The following SPSB4 variants were observed in gnomAD, a reference collection of about 807,000 sequenced individuals.
SPSB4 encodes the protein splA/ryanodine receptor domain and SOCS box containing 4, also known as SPRY domain-containing SOCS box protein 4.
A neutral mutation model predicts 20.9 loss-of-function variants in SPSB4; 21 were observed. The ratio of observed to expected loss-of-function variants is 1.01; its 90% CI spans 0.71 to 1.45. The LOEUF (loss-of-function observed/expected upper bound fraction) is 1.45. Among genes scored for constraint, SPSB4 ranks in the 40% most tolerant of loss-of-function variants. The pLI is 0.00. For missense variants in SPSB4, 399 were observed against 399.2 expected (o/e 1.00, Z 0.00); for synonymous variants, 207 against 183.8 (o/e 1.13, Z -1.02).
At chr3:141,090,652 G>A (rs1480291000) in intron 2 of SPSB4, among the ~76,000 whole-genome samples, 1 of 152,182 alleles carries the variant, frequency 6.6e-6, no homozygotes, top group African/African-American at 2.4e-5. Context: ...TGAGACCAGA[G>A]CGAAACCGGG....
At chr3:141,097,450 G>T (rs1393829112) in intron 2 of SPSB4, among the ~76,000 whole-genome samples, 1 of 152,070 alleles carries the variant, frequency 6.6e-6, no homozygotes, top group African/African-American at 2.4e-5. Flanking sequence ...TTGAGACAGG[G>T]TTTACCCAAG....
rs370415855 is a variant in SPSB4, at chr3:141,126,668, GC to G, written c.695-20473del. ...GGCATCTGAGCATGTGCCAGGCCAT[GC>G]TTTAATCCTTTCCGTAGGTTACCTC... On this transcript the variant is annotated intron_variant, in intron 2 of 2. Coordinates refer to ENST00000310546, the MANE Select transcript of SPSB4 (RefSeq NM_080862.3). 4.1e-4 allele frequency among the ~76,000 whole-genome samples: 62 copies of G among 152,330 alleles called. No individual in the cohort carries two copies. The South Asian group carries it at 0.012, about 30-fold the overall frequency.
chr3:141,058,222 T>C (rs1294151071), intron 1 of SPSB4, among the ~76,000 whole-genome samples: 1 of 152,004 alleles, frequency 6.6e-6, no homozygotes, highest in Non-Finnish European at 1.5e-5. Context: ...TGCATCATAT[T>C]TTTCAAACTA....
chr3:141,135,597 G>C (rs1939214229), intron 2 of SPSB4, among the ~76,000 whole-genome samples: 2 of 151,308 alleles, frequency 1.3e-5, no homozygotes, highest in Non-Finnish European at 1.5e-5. Flanking sequence ...GCAGTGTTTG[G>C]TTTTTTGTCC....
intron 2 of SPSB4, among the ~76,000 whole-genome samples, chr3:141,075,809 G>A (rs1938094099): frequency 6.6e-6 from 1 of 151,300 alleles, no homozygotes; most frequent in Non-Finnish European, 1.5e-5. Flanking sequence ...CACTTTGGGA[G>A]GCCGAGGCAG....
intron 2 of SPSB4, among the ~76,000 whole-genome samples, chr3:141,136,932 G>C (rs1467404370): frequency 6.6e-6 from 1 of 152,190 alleles, no homozygotes; most frequent in Non-Finnish European, 1.5e-5. Context: ...ACCTTGGGCA[G>C]TATGGCCATT....
intron 2 of SPSB4, among the ~76,000 whole-genome samples, chr3:141,083,191 G>A (rs150154572): frequency 6.6e-6 from 1 of 152,336 alleles, no homozygotes; most frequent in African/African-American, 2.4e-5. Flanking sequence ...GGTCCCCCCA[G>A]GTGCCCTCAC....
intron 2 of SPSB4, among the ~76,000 whole-genome samples, chr3:141,096,077 G>T (rs556640986): frequency 7.9e-5 from 12 of 152,232 alleles, no homozygotes; most frequent in Non-Finnish European, 1.3e-4. Context: ...GGACCAGTTG[G>T]GTGAGTGGGG....
At chr3:141,104,745 C>G (rs1254594961) in intron 2 of SPSB4, among the ~76,000 whole-genome samples, 1 of 152,222 alleles carries the variant, frequency 6.6e-6, no homozygotes, top group African/African-American at 2.4e-5. Flanking sequence ...CTTTGTGGCC[C>G]CGGTTTACGA....
intron 2 of SPSB4, chr3:141,132,282 C>T (rs1330021399): frequency 5.2e-6 from 2 of 384,402 alleles, no homozygotes; most frequent in African/African-American, 4.5e-5. Flanking sequence ...ATTCTTCTGC[C>T]TCAGCTTCCC....
chr3:141,101,337 C>T (rs1018268978), intron 2 of SPSB4, among the ~76,000 whole-genome samples: 4 of 152,224 alleles, frequency 2.6e-5, no homozygotes, highest in African/African-American at 7.2e-5. Context: ...AGAGACAGAC[C>T]TGGCAGGACC....
At chr3:141,057,129 C>T (rs1227109206) in intron 1 of SPSB4, among the ~76,000 whole-genome samples, 2 of 152,200 alleles carry the variant, frequency 1.3e-5, no homozygotes, top group African/African-American at 2.4e-5. Context: ...TCTTTGTGAG[C>T]TCTTGGGGAA....
intron 2 of SPSB4, among the ~76,000 whole-genome samples, chr3:141,134,795 CT>C (rs895960018): frequency 6.6e-6 from 1 of 150,710 alleles, no homozygotes; most frequent in African/African-American, 2.4e-5. Context: ...TTGTTATGTC[CT>C]TTCCCGGTTT....
At chr3:141,116,178 C>T (rs1231779641) in intron 2 of SPSB4, among the ~76,000 whole-genome samples, 1 of 152,174 alleles carries the variant, frequency 6.6e-6, no homozygotes, top group African/African-American at 2.4e-5. Flanking sequence ...AGGAGCACAG[C>T]CCCAGGCTGC....
chr3:141,139,810 T>C (rs1939292706), intron 2 of SPSB4, among the ~76,000 whole-genome samples: 1 of 152,206 alleles, frequency 6.6e-6, no homozygotes, highest in Non-Finnish European at 1.5e-5. Flanking sequence ...GACAATTATG[T>C]GTCTTGGAGT....
chr3:141,111,158 A>T (rs1358446083), intron 2 of SPSB4, among the ~76,000 whole-genome samples: 1 of 152,194 alleles, frequency 6.6e-6, no homozygotes, highest in Non-Finnish European at 1.5e-5. Context: ...AACTTTTTTC[A>T]TAAGTTTGGG....
At chr3:141,112,929 G>A (rs1392274225) in intron 2 of SPSB4, among the ~76,000 whole-genome samples, 8 of 152,168 alleles carry the variant, frequency 5.3e-5, no homozygotes, top group Admixed American at 5.2e-4. Flanking sequence ...AGGTAGCTAG[G>A]ACAATGGGCA....
At chr3:141,054,971 A>C (rs1406028404) in intron 1 of SPSB4, among the ~76,000 whole-genome samples, 1 of 152,334 alleles carries the variant, frequency 6.6e-6, no homozygotes, top group African/African-American at 2.4e-5. Context: ...TCTCAAAAAA[A>C]AAAAAAAAAT....
intron 2 of SPSB4, 150 bp downstream of exon 2, chr3:141,066,948 C>A: frequency 1.3e-6 from 1 of 788,480 alleles, no homozygotes; most frequent in Non-Finnish European, 1.8e-6. Flanking sequence ...TCTCTGCTGG[C>A]TTGGTGATTT....
Sources: allele counts gnomAD v4.1 joint callset (sites outside exome capture counted in the v4.1 genomes callset), GRCh38; gene constraint gnomAD v4.1.1; transcripts MANE v1.5; gene names NCBI Gene and HGNC (gene_info 2026-07-23, HGNC 2026-07-21).